MKLN1: variants seen among roughly 807,000 people sequenced by gnomAD.
MKLN1 encodes muskelin 1.
In MKLN1, 18 loss-of-function variants were observed where a neutral mutation model predicts 99.0. The ratio of observed to expected loss-of-function variants is 0.18; its 90% CI spans 0.13 to 0.27. The LOEUF (loss-of-function observed/expected upper bound fraction) is 0.27. Among genes scored for constraint, MKLN1 ranks in the 10% least tolerant of loss-of-function variants. MKLN1 has a pLI of 1.00. For synonymous variants in MKLN1, 288 were observed against 293.2 expected (o/e 0.98, Z 0.18); for missense variants, 621 against 875.9 (o/e 0.71, Z 3.67).
chr7:131,313,171 A>C (rs10238605), intron 3 of MKLN1, among the ~76,000 whole-genome samples: 2,417 of 152,326 alleles, frequency 0.016, 46 homozygotes, highest in African/African-American at 0.053. Context: ...CAATAATTTA[A>C]AAACTATCTT....
At position 131,419,252 on chromosome 7, in the gene MKLN1, G is replaced by GTTT. The variant is rs11482221; in HGVS notation, c.847+4556_847+4558dup. 0.014 allele frequency among the ~76,000 whole-genome samples: 1,565 copies of GTTT among 115,486 alleles called. 126 individuals carry two copies. The East Asian group carries it at 0.18, about 13-fold the overall frequency. The allele number at this position is 115,486 out of a possible 152,430, so 75.8% of individuals were successfully genotyped here. On this transcript the variant is annotated intron_variant, in intron 8 of 17. Coordinates refer to ENST00000352689, the MANE Select transcript of MKLN1 (RefSeq NM_013255.5). ...TGTATATATATATATATATATTTTT[G>GTTT]TTTTTTTTTTTTTTTTGAGACAGAG...
chr7:131,125,651 C>G (rs1193424501), intron 1 of MKLN1, among the ~76,000 whole-genome samples: 1 of 152,100 alleles, frequency 6.6e-6, no homozygotes, highest in African/African-American at 2.4e-5. Context: ...CAGGAAGATT[C>G]CTTGAGGTCA....
At chr7:131,242,670 A>G in intron 3 of MKLN1, 1 of 606,022 alleles carries the variant, frequency 1.7e-6, no homozygotes, top group Non-Finnish European at 3.1e-6. Context: ...CATCATCGTG[A>G]AGAACATTGA....
intron 1 of MKLN1, among the ~76,000 whole-genome samples, chr7:131,332,930 A>AT (rs879514619): frequency 3.1e-4 from 45 of 145,442 alleles, no homozygotes; most frequent in African/African-American, 5.0e-4. Context: ...CGCCTGGCTA[A>AT]TTTTTTTTTT....
At chr7:131,303,208 G>A (rs529610570) in intron 3 of MKLN1, among the ~76,000 whole-genome samples, 1 of 152,358 alleles carries the variant, frequency 6.6e-6, no homozygotes, top group South Asian at 2.1e-4. Context: ...GTGGTCTTTG[G>A]AACCAGGAGT....
chr7:131,254,868 G>A (rs538916494), intron 3 of MKLN1, among the ~76,000 whole-genome samples: 13 of 150,688 alleles, frequency 8.6e-5, no homozygotes, highest in East Asian at 3.9e-4. Flanking sequence ...AGAGAGGAGC[G>A]GAAAAAAATT....
intron 3 of MKLN1, among the ~76,000 whole-genome samples, chr7:131,222,860 C>CAAAAAAAAAA (rs375317109): frequency 7.9e-5 from 7 of 88,440 alleles, no homozygotes; most frequent in Non-Finnish European, 1.2e-4. Context: ...GCTAAAAATA[C>CAAAAAAAAAA]AAAAAAAAAA....
chr7:131,400,922 T>C (rs1345652250), intron 6 of MKLN1, among the ~76,000 whole-genome samples: 1 of 152,158 alleles, frequency 6.6e-6, no homozygotes, highest in Admixed American at 6.5e-5. Flanking sequence ...TACTATGGGC[T>C]TTCTAAACTG....
At chr7:131,404,603 C>G (rs374416207) in intron 6 of MKLN1, among the ~76,000 whole-genome samples, 1 of 152,008 alleles carries the variant, frequency 6.6e-6, no homozygotes, top group East Asian at 1.9e-4. Flanking sequence ...TTCTCTTTTT[C>G]TTTTCTTTTC....
At chr7:131,401,243 A>G (rs1794535276) in intron 6 of MKLN1, among the ~76,000 whole-genome samples, 1 of 152,104 alleles carries the variant, frequency 6.6e-6, no homozygotes. Flanking sequence ...GTAAGGCTCT[A>G]TTTATTTCTG....
chr7:131,470,927 C>A lies in MKLN1; in HGVS notation c.2014C>A (p.Pro672Thr). ...TTATATAACTGTGGATCATTCAGAC[C>A]CAGAAGAGACAAAAGAGGTAAAGAA... is the stretch of plus-strand genomic sequence containing the variant. ...DLYITVDHSD[P>T]EETKEFQLLA... The change falls in exon 16 of 18, where the codon CCA (proline) becomes ACA (threonine). Residue 672 changes from proline to threonine, a missense_variant. Pro to Thr is a conservative substitution (Grantham distance 38). Coordinates refer to ENST00000352689, the MANE Select transcript of MKLN1 (RefSeq NM_013255.5). 1 of 1,604,762 alleles carries A rather than the reference C, an allele frequency of 6.2e-7. No homozygotes were observed. The highest frequency in any genetic ancestry group is 8.5e-7 in the Non-Finnish European group (1 of 1,173,482).
chr7:131,288,734 G>A (rs1306845152), intron 3 of MKLN1, among the ~76,000 whole-genome samples: 1 of 152,088 alleles, frequency 6.6e-6, no homozygotes, highest in Non-Finnish European at 1.5e-5. Flanking sequence ...CTAGTATTGT[G>A]ACTCTCCACT....
chr7:131,186,050 G>A (rs1429376790), intron 2 of MKLN1, among the ~76,000 whole-genome samples: 1 of 151,954 alleles, frequency 6.6e-6, no homozygotes, highest in African/African-American at 2.4e-5. Flanking sequence ...AAATTAGCTG[G>A]GCATAGTGGC....
At chr7:131,465,561 C>T (rs1235527220) in intron 14 of MKLN1, among the ~76,000 whole-genome samples, 7 of 151,064 alleles carry the variant, frequency 4.6e-5, no homozygotes, top group South Asian at 2.1e-4. Flanking sequence ...TTTTTTGAGA[C>T]GGAGTCTCGG....
chr7:131,388,121 C>T (rs571952681), intron 3 of MKLN1, among the ~76,000 whole-genome samples: 2 of 152,248 alleles, frequency 1.3e-5, no homozygotes, highest in South Asian at 2.1e-4. Flanking sequence ...GAGCCAAGAT[C>T]GCACCACTGC....
At position 131,419,244 on chromosome 7, in the gene MKLN1, A is replaced by T. The variant is rs576098155; in HGVS notation, c.847+4534A>T. 8.9e-4 allele frequency among the ~76,000 whole-genome samples: 119 copies of T among 133,982 alleles called. 1 individual carries two copies. In the South Asian group the frequency reaches 0.013, roughly 15 times the overall value. The allele number at this position is 133,982 out of a possible 152,430, so 87.9% of individuals were successfully genotyped here. A position where few individuals can be genotyped will look rare whatever the true frequency, so the allele number is the denominator to read the frequency against. ...TATATATATGTATATATATATATAT[A>T]TATTTTTGTTTTTTTTTTTTTTTTG... is the stretch of plus-strand genomic sequence containing the variant. On this transcript the variant is annotated intron_variant, in intron 8 of 17. Transcript: ENST00000352689.
chr7:131,173,239 C>A (rs1370238738), intron 2 of MKLN1, among the ~76,000 whole-genome samples: 1 of 151,678 alleles, frequency 6.6e-6, no homozygotes, highest in Non-Finnish European at 1.5e-5. Flanking sequence ...ACGTACAAGC[C>A]CATCTTGAAG....
chr7:131,293,788 A>G lies in MKLN1; in HGVS notation c.-178-81636A>G, dbSNP rs1194335383. Among the ~76,000 whole-genome samples the G allele has an allele frequency of 5.9e-5, 9 of 152,352 alleles. No homozygotes were observed. The East Asian group carries it at 1.7e-3, about 29-fold the overall frequency. On this transcript the variant is annotated intron_variant, in intron 3 of 7. Coordinates refer to the MKLN1 transcript ENST00000416992. ...GCCACTGCTCTCTAGCCTGGGCAAT[A>G]GAGTGAGACCCTGTCTCTAAGTTCA...
intron 1 of MKLN1, among the ~76,000 whole-genome samples, chr7:131,129,603 T>C (rs760349581): frequency 2.6e-5 from 4 of 152,198 alleles, no homozygotes; most frequent in South Asian, 4.1e-4. Context: ...AGACAGGGTC[T>C]CTCTCTGTCA....
Sources: gnomAD v4.1 joint callset for allele counts (sites outside exome capture counted in the v4.1 genomes callset) on GRCh38, gnomAD v4.1.1 for gene constraint, MANE v1.5 for transcripts, NCBI Gene and HGNC (gene_info 2026-07-23, HGNC 2026-07-21) for gene names.